The following GAREM1 variants were observed in gnomAD, a reference collection of about 807,000 sequenced individuals.
GAREM1 encodes GRB2 associated regulator of MAPK1 subtype 1, also known as GRB2-associated and regulator of MAPK protein 1.
GAREM1 carries 26 observed loss-of-function variants against 71.3 expected under a neutral mutation model. The ratio of observed to expected loss-of-function variants is 0.36; its 90% CI spans 0.27 to 0.51. GAREM1 has a LOEUF of 0.51. Ranked by LOEUF, GAREM1 falls within the 20% of genes least tolerant of loss-of-function variation. The pLI is 0.95. For missense variants in GAREM1, 1,026 were observed against 1,103.1 expected (o/e 0.93, Z 0.99); for synonymous variants, 440 against 433.2 (o/e 1.02, Z -0.20).
At chr18:32,361,639 G>T in intron 2 of GAREM1, among the ~76,000 whole-genome samples, 1 of 152,186 alleles carries the variant, frequency 6.6e-6, no homozygotes, top group Admixed American at 6.5e-5. Context: ...ATGAAATTAA[G>T]ACATTTTAGG....
intron 2 of GAREM1, among the ~76,000 whole-genome samples, chr18:32,385,397 C>T (rs1023660018): frequency 2.6e-5 from 4 of 151,946 alleles, no homozygotes; most frequent in Non-Finnish European, 4.4e-5. Flanking sequence ...TTCTTCAACA[C>T]TTAAAAGACT....
chr18:32,328,842 G>T, intron 2 of GAREM1, among the ~76,000 whole-genome samples: 1 of 152,130 alleles, frequency 6.6e-6, no homozygotes, highest in East Asian at 1.9e-4. Context: ...TTCAATTAAG[G>T]ATACTATGGG....
chr18:32,366,508 G>A (rs1305718040), intron 2 of GAREM1, among the ~76,000 whole-genome samples: 2 of 152,190 alleles, frequency 1.3e-5, no homozygotes, highest in Non-Finnish European at 2.9e-5. Flanking sequence ...TATTTTTATA[G>A]GAAAGGGAAC....
intron 4 of GAREM1, among the ~76,000 whole-genome samples, chr18:32,285,355 G>C (rs2047002609): frequency 6.6e-6 from 1 of 152,136 alleles, no homozygotes; most frequent in Admixed American, 6.5e-5. Flanking sequence ...CGTGGAGCCT[G>C]GCACAAACTG....
intron 1 of GAREM1, among the ~76,000 whole-genome samples, chr18:32,449,414 CG>C (rs1201463623): frequency 1.3e-5 from 2 of 152,110 alleles, no homozygotes; most frequent in East Asian, 3.8e-4. Flanking sequence ...AGGCTGGGTG[CG>C]GGGGCTCACG....
intron 1 of GAREM1, among the ~76,000 whole-genome samples, chr18:32,401,882 A>G (rs969714225): frequency 1.3e-5 from 2 of 152,220 alleles, no homozygotes; most frequent in African/African-American, 4.8e-5. Flanking sequence ...GTTAAGTCCT[A>G]CTGCTAGCTG....
intron 2 of GAREM1, among the ~76,000 whole-genome samples, chr18:32,392,468 C>T (rs1378731175): frequency 2.0e-5 from 3 of 152,206 alleles, no homozygotes; most frequent in East Asian, 3.9e-4. Context: ...ATATGAACTA[C>T]CAATCCAATA....
intron 1 of GAREM1, among the ~76,000 whole-genome samples, chr18:32,438,080 C>T (rs2048696399): frequency 6.6e-6 from 1 of 152,188 alleles, no homozygotes; most frequent in African/African-American, 2.4e-5. Flanking sequence ...GTATGAGGAA[C>T]TAAACATGTA....
At chr18:32,416,986 A>G (rs992893583) in intron 1 of GAREM1, among the ~76,000 whole-genome samples, 1 of 152,220 alleles carries the variant, frequency 6.6e-6, no homozygotes, top group African/African-American at 2.4e-5. Context: ...AGGGATTCAT[A>G]ACCAGAATGC....
intron 4 of GAREM1, among the ~76,000 whole-genome samples, chr18:32,277,480 A>C (rs2041557980): frequency 1.3e-5 from 2 of 152,200 alleles, no homozygotes; most frequent in Admixed American, 6.5e-5. Context: ...ATATCATCTT[A>C]ACAGTGAAAG....
intron 2 of GAREM1, among the ~76,000 whole-genome samples, chr18:32,373,654 C>T (rs1050993753): frequency 1.8e-4 from 27 of 152,234 alleles, no homozygotes; most frequent in African/African-American, 6.3e-4. Context: ...ACATGCTCCG[C>T]TCCAGCCGCC....
chr18:32,352,201 AT>A (rs2047759598), intron 2 of GAREM1, among the ~76,000 whole-genome samples: 2 of 152,192 alleles, frequency 1.3e-5, no homozygotes, highest in African/African-American at 4.8e-5. Flanking sequence ...GTTCTGCAAA[AT>A]TTTAATATTT....
intron 1 of GAREM1, among the ~76,000 whole-genome samples, chr18:32,436,905 A>G (rs2048685373): frequency 6.6e-6 from 1 of 152,142 alleles, no homozygotes; most frequent in African/African-American, 2.4e-5. Context: ...GGGGACCTTA[A>G]GCAAGCCTTA....
intron 2 of GAREM1, among the ~76,000 whole-genome samples, chr18:32,364,690 T>C (rs111238901): frequency 9.2e-5 from 14 of 152,298 alleles, no homozygotes; most frequent in Middle Eastern, 3.4e-3. Flanking sequence ...TGGTAAAATA[T>C]ACTTATAAAA....
At chr18:32,423,997 G>A (rs2048547659) in intron 1 of GAREM1, among the ~76,000 whole-genome samples, 1 of 152,036 alleles carries the variant, frequency 6.6e-6, no homozygotes, top group African/African-American at 2.4e-5. Context: ...TTAGCTGGAT[G>A]TGGTGGTACA....
At chr18:32,373,632 G>C (rs957577370) in intron 2 of GAREM1, among the ~76,000 whole-genome samples, 1 of 152,142 alleles carries the variant, frequency 6.6e-6, no homozygotes, top group African/African-American at 2.4e-5. Flanking sequence ...AATGCCAAAG[G>C]CGACAGCTGA....
intron 1 of GAREM1, among the ~76,000 whole-genome samples, chr18:32,393,705 A>G (rs538970875): frequency 6.6e-6 from 1 of 152,356 alleles, no homozygotes; most frequent in Admixed American, 6.5e-5. Flanking sequence ...GATTTATAGC[A>G]TACAAATGAA....
Position 32,267,780 on chromosome 18 carries a change from T to C in GAREM1, c.*91A>G. The C allele has an allele frequency of 4.7e-6, 5 of 1,053,808 alleles. No homozygotes were observed. The South Asian group carries it at 8.1e-5, about 17-fold the overall frequency. The allele number at this position is 1,053,808 out of a possible 1,614,324, so 65.3% of individuals were successfully genotyped here. A position where few individuals can be genotyped will look rare whatever the true frequency, so the allele number is the denominator to read the frequency against. ...TTATCCCTATTTACAGAGAAGGTTT[T>C]TAGTGCAAAAACATGAAATTGTGTC... On this transcript the variant is annotated 3_prime_UTR_variant, in exon 6 of 6. Transcript: ENST00000269209.
At chr18:32,393,165 GT>G in intron 1 of GAREM1, 130 bp from the exon 2 acceptor site, 2 of 654,054 alleles carry the variant, frequency 3.1e-6, no homozygotes, top group Non-Finnish European at 2.3e-6. Flanking sequence ...ATGAGATAAA[GT>G]TTACCTCTGA....
Sources: allele counts gnomAD v4.1 joint callset (sites outside exome capture counted in the v4.1 genomes callset), GRCh38; gene constraint gnomAD v4.1.1; transcripts MANE v1.5; gene names NCBI Gene and HGNC (gene_info 2026-07-23, HGNC 2026-07-21).